Variants in RGS16 observed in about 807,000 individuals in gnomAD.
RGS16 encodes regulator of G protein signaling 16, also known as hRGS-r.
In RGS16, 12 loss-of-function variants were observed where a neutral mutation model predicts 18.1. The ratio of observed to expected loss-of-function variants is 0.66; its 90% CI spans 0.42 to 1.07. RGS16 has a LOEUF of 1.07. RGS16 is among the 50% of genes least tolerant of loss of function. The pLI, the probability that RGS16 is intolerant of heterozygous loss-of-function variation, is 0.00. For synonymous variants in RGS16, 88 were observed against 102.0 expected (o/e 0.86, Z 0.83); for missense variants, 238 against 249.2 (o/e 0.95, Z 0.30).
Position 182,599,621 on chromosome 1 carries a change from G to A in RGS16, c.*671C>T, listed in dbSNP as rs946585491. 2 of 152,898 alleles carry A rather than the reference G, an allele frequency of 1.3e-5. No homozygotes were observed. Among genetic ancestry groups the A allele is most frequent in the South Asian group, 4.1e-4 (2 of 4,834 alleles). 9.5% of individuals were successfully genotyped at this position (152,898 alleles called of 1,614,324 possible). A position where few individuals can be genotyped will look rare whatever the true frequency, so the allele number is the denominator to read the frequency against. ...TCCTTTCAGGGCTCTCCACTGACTT[G>A]GAAAGGGCTCACAGGCCAGTGTTTG... On this transcript the variant is annotated 3_prime_UTR_variant, in exon 5 of 5. Transcript: ENST00000367558.
intron 1 of RGS16, among the ~76,000 whole-genome samples, chr1:182,603,868 A>G (rs1661908425): frequency 6.6e-6 from 1 of 151,914 alleles, no homozygotes; most frequent in Non-Finnish European, 1.5e-5. Flanking sequence ...CAATGCCCCT[A>G]GCTCTGGTCT....
intron 4 of RGS16, among the ~76,000 whole-genome samples, chr1:182,601,158 T>G (rs1177769385): frequency 6.6e-6 from 1 of 152,210 alleles, no homozygotes; most frequent in Non-Finnish European, 1.5e-5. Flanking sequence ...TTCTTTCTTA[T>G]CTCTGTTCAT....
rs1436675529 is a variant in RGS16, at chr1:182,599,613, ACT to A, written c.*677_*678del. The A allele has an allele frequency of 6.5e-6, 1 of 152,824 alleles. No homozygotes were observed. The highest frequency in any genetic ancestry group is 1.5e-5 in the Non-Finnish European group (1 of 68,232). The allele number at this position is 152,824 out of a possible 1,614,324, so 9.5% of individuals were successfully genotyped here. A position where few individuals can be genotyped will look rare whatever the true frequency, so the allele number is the denominator to read the frequency against. The stretch of plus-strand genomic sequence containing the variant: ...AGTGAGCCTCCTTTCAGGGCTCTCC[ACT>A]GACTTGGAAAGGGCTCACAGGCCAG... On this transcript the variant is annotated 3_prime_UTR_variant, in exon 5 of 5. Coordinates refer to ENST00000367558, the MANE Select transcript of RGS16 (RefSeq NM_002928.4).
chr1:182,601,821 C>T (rs1281892897), intron 4 of RGS16, 145 bp downstream of exon 4: 2 of 958,444 alleles, frequency 2.1e-6, no homozygotes, highest in Non-Finnish European at 3.2e-6. Flanking sequence ...TTCCTAGTCT[C>T]TGGTCACAGA....
At position 182,602,066 on chromosome 1, in the gene RGS16, A is replaced by G. The variant is rs747664966; in HGVS notation, c.287T>C (p.Leu96Pro). 6 of 1,614,198 alleles carry G rather than the reference A, an allele frequency of 3.7e-6. No homozygotes were observed. The highest frequency in any genetic ancestry group is 5.1e-6 in the Non-Finnish European group (6 of 1,180,034). Reference sequence around the variant, plus strand: ...GATCTTCTTGAACTCCTCACAGGCCAGCCAGAACTCCAGGTTCTCCTCACT... The same window carrying G: ...GATCTTCTTGAACTCCTCACAGGCCGGCCAGAACTCCAGGTTCTCCTCACT... ...EFSEENLEFW[L>P]ACEEFKKIRS... is the part of the protein sequence containing the mutation. Residue 96 changes from leucine (L) to proline (P), a missense_variant, in exon 4 of 5, where the codon CTG becomes CCG. By Grantham distance (98) the Leu-to-Pro change is moderately conservative (BLOSUM62 -3). Coordinates refer to ENST00000367558, the MANE Select transcript of RGS16 (RefSeq NM_002928.4).
Position 182,602,907 on chromosome 1 carries a change from T to C in RGS16, c.155+322A>G, listed in dbSNP as rs144047608. Among the ~76,000 whole-genome samples the C allele has an allele frequency of 2.0e-3, 305 of 152,354 alleles. 1 individual carries two copies. The highest frequency in any genetic ancestry group is 7.5e-3 in the South Asian group (36 of 4,832). ...AAGAGTTTCTAGGCAAGGTGCATAC[T>C]AGAAAACTTCAAGTGGTCTTGGATT... On this transcript the variant is annotated intron_variant, in intron 2 of 4. Transcript: ENST00000367558.
Position 182,602,143 on chromosome 1 carries a change from G to A in RGS16, c.221-11C>T, listed in dbSNP as rs1237877085. ...AGGCAGCCACTCCATCTGGGGTTGC[G>A]GGAAAGAAGAGGAAATAGGTCAGCT... On this transcript the variant is annotated splice_polypyrimidine_tract_variant and intron_variant, in intron 3 of 4. Coordinates refer to ENST00000367558, the MANE Select transcript of RGS16 (RefSeq NM_002928.4). The A allele has an allele frequency of 7.4e-6, 12 of 1,613,604 alleles. No homozygotes were observed. Among genetic ancestry groups the A allele is most frequent in the Middle Eastern group, 1.6e-4 (1 of 6,084 alleles).
rs1661898730 is a variant in RGS16, at chr1:182,603,322, G to C, written c.62C>G (p.Thr21Arg). 1.2e-6 allele frequency: 2 copies of C among 1,613,842 alleles called. No homozygotes were observed. Among genetic ancestry groups the C allele is most frequent in the African/African-American group, 2.7e-5 (2 of 74,904 alleles). Residue 21 changes from threonine (T) to arginine (R), a missense_variant, in exon 2 of 5, where the codon ACA (threonine) becomes AGA (arginine). Thr to Arg is a moderately conservative substitution (Grantham distance 71). Transcript: ENST00000367558. Reference protein sequence around the residue: ...TCLERAKEFKTRLGIFLHKSE... With the variant: ...TCLERAKEFKRRLGIFLHKSE... ...TTTGTGAAGAAAGATCCCCAGACGT[G>C]TCTTGAACTCTTTGGCTCTGAAAAA...
chr1:182,601,620 C>T (rs1397194873), intron 4 of RGS16, among the ~76,000 whole-genome samples: 1 of 152,220 alleles, frequency 6.6e-6, no homozygotes, highest in African/African-American at 2.4e-5. Flanking sequence ...GCAGGTCAGC[C>T]TGGGGACTGA....
chr1:182,602,484 A>C lies in RGS16; in HGVS notation c.156T>G (p.Asn52Lys), dbSNP rs141391612. Reference sequence around the variant, plus strand: ...CCAGCACATCTTCTGAGAAGTTTCTACTAAAAGACAAAAAGAAAAAAAAAG... The same window carrying C: ...CCAGCACATCTTCTGAGAAGTTTCTCCTAAAAGACAAAAAGAAAAAAAAAG... ...FEWGSKHSKENRNFSEDVLGW... is the reference protein window; with the variant it reads ...FEWGSKHSKEKRNFSEDVLGW... Residue 52 changes from asparagine to lysine, a missense_variant and splice_region_variant, in exon 3 of 5, where the codon AAT becomes AAG. Physicochemically the swap from Asn to Lys is moderately conservative, Grantham distance 94. Coordinates refer to ENST00000367558, the MANE Select transcript of RGS16 (RefSeq NM_002928.4). 1.0e-4 allele frequency: 168 copies of C among 1,612,800 alleles called. 1 individual carries two copies. The African/African-American group carries it at 1.8e-3, about 18-fold the overall frequency.
At position 182,600,143 on chromosome 1, in the gene RGS16, G is replaced by C; in HGVS notation, c.*149C>G. On this transcript the variant is annotated 3_prime_UTR_variant, in exon 5 of 5. Transcript: ENST00000367558. ...GGAGAGACTGCTGCTTCCCAAACAG[G>C]CTGCTGGAGCGCATTTTTTTTTTTT... 2 of 654,348 alleles carry C rather than the reference G, an allele frequency of 3.1e-6. No homozygotes were observed. Among genetic ancestry groups the C allele is most frequent in the Admixed American group, 2.9e-5 (1 of 34,124 alleles). The allele number at this position is 654,348 out of a possible 1,614,324, so 40.5% of individuals were successfully genotyped here. A position where few individuals can be genotyped will look rare whatever the true frequency, so the allele number is the denominator to read the frequency against.
intron 4 of RGS16, 83 bp from the exon 5 acceptor site, chr1:182,600,596 T>C (rs1355028086): frequency 1.8e-6 from 2 of 1,114,062 alleles, no homozygotes; most frequent in Non-Finnish European, 2.7e-6. Context: ...GGCTGGGCAT[T>C]GGAAAGAGCA....
chr1:182,598,639 CTTTTA>C lies in RGS16; in HGVS notation c.*1648_*1652del, dbSNP rs1558486023. On this transcript the variant is annotated 3_prime_UTR_variant, in exon 5 of 5. Coordinates refer to ENST00000367558, the MANE Select transcript of RGS16 (RefSeq NM_002928.4). ...GACAGGATGTCATATTTGACTTTTG[CTTTTA>C]TTTTATAAGAATATAACATGCTGAA... The C allele has an allele frequency of 6.6e-6, 1 of 152,594 alleles. No homozygotes were observed. The highest frequency in any genetic ancestry group is 1.5e-5 in the Non-Finnish European group (1 of 68,018). The allele number at this position is 152,594 out of a possible 1,614,324, so 9.5% of individuals were successfully genotyped here.
At chr1:182,602,510 A>T (rs760954495) in intron 2 of RGS16, 26 bp from the exon 3 acceptor site, 10 of 1,586,006 alleles carry the variant, frequency 6.3e-6, no homozygotes, top group Non-Finnish European at 8.6e-6. Context: ...AAAAAAAAAG[A>T]GTAAGAAAAA....
Position 182,600,350 on chromosome 1 carries a change from G to T in RGS16, c.551C>A (p.Ala184Asp), listed in dbSNP as rs769077245. Residue 184 changes from alanine to aspartate, a missense_variant, in exon 5 of 5, where the codon GCC becomes GAC. By Grantham distance (126) the Ala-to-Asp change is moderately radical. Coordinates refer to ENST00000367558, the MANE Select transcript of RGS16 (RefSeq NM_002928.4). ...GGACAGAGTGGCAGAGGCGGCTGAGGCTTGGGCAGCCAGGTCCCGGTAAGC... is the reference window on the plus strand; with the variant it reads ...GGACAGAGTGGCAGAGGCGGCTGAGTCTTGGGCAGCCAGGTCCCGGTAAGC... Reference protein sequence around the residue: ...SPAYRDLAAQASAASATLSSC... With the variant: ...SPAYRDLAAQDSAASATLSSC... The T allele has an allele frequency of 6.2e-6, 10 of 1,613,842 alleles. No individual in the cohort carries two copies. The highest frequency in any genetic ancestry group is 1.3e-5 in the African/African-American group (1 of 74,834).
Position 182,602,050 on chromosome 1 carries a change from GAACTCCTC to G in RGS16, c.295_302del (p.Glu99GlnfsTer18). The G allele has an allele frequency of 1.2e-6, 2 of 1,614,108 alleles. No individual in the cohort carries two copies. Among genetic ancestry groups the G allele is most frequent in the Non-Finnish European group, 1.7e-6 (2 of 1,180,018 alleles). Reference sequence around the variant, plus strand: ...GCTTGGTAGCTGATCGGATCTTCTTGAACTCCTCACAGGCCAGCCAGAACTCCAGGTTC... The same window carrying G: ...GCTTGGTAGCTGATCGGATCTTCTTGACAGGCCAGCCAGAACTCCAGGTTC... On this transcript the variant is annotated frameshift_variant, in exon 4 of 5. Coordinates refer to ENST00000367558, the MANE Select transcript of RGS16 (RefSeq NM_002928.4). LOFTEE classifies it high-confidence loss of function.
intron 1 of RGS16, 146 bp downstream of exon 1, chr1:182,604,070 G>C: frequency 1.3e-6 from 1 of 749,106 alleles, no homozygotes; most frequent in South Asian, 1.7e-5. Flanking sequence ...CCTGGAATCT[G>C]AGCACGTGGC....
Position 182,603,300 on chromosome 1 carries a change from G to T in RGS16, c.84C>A (p.His28Gln), listed in dbSNP as rs1278647329. Residue 28 changes from histidine (H) to glutamine (Q), a missense_variant, in exon 2 of 5, where the codon CAC becomes CAA. His to Gln is a conservative substitution (Grantham distance 24). Coordinates refer to ENST00000367558, the MANE Select transcript of RGS16 (RefSeq NM_002928.4). ...EFKTRLGIFL[H>Q]KSELGCDTGS... ...CAGTATCGCAGCCCAGCTCTGATTT[G>T]TGAAGAAAGATCCCCAGACGTGTCT... 1 of 1,614,158 alleles carries T rather than the reference G, an allele frequency of 6.2e-7. No individual in the cohort carries two copies. The highest frequency in any genetic ancestry group is 1.7e-5 in the Admixed American group (1 of 60,028).
In RGS16 at chr1:182,604,350, G is replaced by T; in HGVS notation, c.-91C>A. The T allele has an allele frequency of 7.4e-7, 1 of 1,343,022 alleles. No homozygotes were observed. The allele number at this position is 1,343,022 out of a possible 1,614,324, so 83.2% of individuals were successfully genotyped here. A position where few individuals can be genotyped will look rare whatever the true frequency, so the allele number is the denominator to read the frequency against. On this transcript the variant is annotated 5_prime_UTR_variant, in exon 1 of 5. The change creates a new upstream start codon in the 5' untranslated region. Coordinates refer to ENST00000367558, the MANE Select transcript of RGS16 (RefSeq NM_002928.4). ...GCCAGGAAGCAAAGGCGCGGTAGCA[G>T]GTGCTAGTCAACTGCGGTTGGGTTT...
Sources: allele counts gnomAD v4.1 joint callset (sites outside exome capture counted in the v4.1 genomes callset), GRCh38; gene constraint gnomAD v4.1.1; transcripts MANE v1.5; gene names NCBI Gene and HGNC (gene_info 2026-07-23, HGNC 2026-07-21).